Variants in PSD3 observed in about 807,000 individuals in gnomAD.
The protein encoded by PSD3 is pleckstrin and Sec7 domain containing 3, also known as PH and SEC7 domain-containing protein 3.
In PSD3, 49 loss-of-function variants were observed where a neutral mutation model predicts 105.5. The ratio of observed to expected loss-of-function variants is 0.46; its 90% CI spans 0.37 to 0.59. PSD3 has a LOEUF of 0.59. PSD3 is among the 20% of genes least tolerant of loss of function. The probability of loss-of-function intolerance (pLI) is 0.00; values close to 1 mark genes in which losing one functional copy is unlikely to be tolerated. For synonymous variants in PSD3, 557 were observed against 457.8 expected (o/e 1.22, Z -2.77); for missense variants, 1,561 against 1,263.8 (o/e 1.24, Z -3.57).
intron 9 of PSD3, among the ~76,000 whole-genome samples, chr8:18,681,341 T>G (rs1282057763): frequency 6.6e-6 from 1 of 151,318 alleles, no homozygotes; most frequent in Non-Finnish European, 1.5e-5. Flanking sequence ...GTGCAGTAGC[T>G]CGTGCCTATC....
chr8:18,686,902 G>C (rs1800690588), intron 9 of PSD3, among the ~76,000 whole-genome samples: 1 of 152,110 alleles, frequency 6.6e-6, no homozygotes, highest in Non-Finnish European at 1.5e-5. Flanking sequence ...TCAGCAGTCA[G>C]CTCAGTATCT....
chr8:18,529,510 T>C lies in PSD3; in HGVS notation c.*6233A>G, dbSNP rs1218464411. 6.6e-6 allele frequency: 1 copy of C among 152,600 alleles called. No homozygotes were observed. The highest frequency in any genetic ancestry group is 1.5e-5 in the Non-Finnish European group (1 of 68,034). 9.5% of individuals were successfully genotyped at this position (152,600 alleles called of 1,614,324 possible). A position where few individuals can be genotyped will look rare whatever the true frequency, so the allele number is the denominator to read the frequency against. ...AAGGGGACAGTCAACTGGTTCTGAATCTCAGGAGGAGAGGACTAACCACAT... is the reference window on the plus strand; with the variant it reads ...AAGGGGACAGTCAACTGGTTCTGAACCTCAGGAGGAGAGGACTAACCACAT... On this transcript the variant is annotated 3_prime_UTR_variant, in exon 16 of 16. Transcript: ENST00000327040.
At chr8:18,631,650 GA>G (rs1205662484) in intron 11 of PSD3, among the ~76,000 whole-genome samples, 4 of 151,826 alleles carry the variant, frequency 2.6e-5, no homozygotes, top group Admixed American at 6.6e-5. Context: ...AATGTTGTGG[GA>G]TAAAATTAAG....
At chr8:18,547,369 T>C (rs1183679488) in intron 15 of PSD3, among the ~76,000 whole-genome samples, 1 of 152,188 alleles carries the variant, frequency 6.6e-6, no homozygotes, top group Non-Finnish European at 1.5e-5. Flanking sequence ...TTGCTGCGGC[T>C]GTGGTATACT....
chr8:18,601,431 T>G (rs763446886), intron 11 of PSD3, among the ~76,000 whole-genome samples: 61 of 152,346 alleles, frequency 4.0e-4, no homozygotes, highest in Non-Finnish European at 5.1e-4. Context: ...CCTGGATACC[T>G]GATTACATTA....
At chr8:19,007,190 T>C (rs1158638431) in intron 1 of PSD3, among the ~76,000 whole-genome samples, 1 of 151,878 alleles carries the variant, frequency 6.6e-6, no homozygotes, top group African/African-American at 2.4e-5. Flanking sequence ...AGGCAGAGGT[T>C]GCAGTGAGCC....
intron 9 of PSD3, among the ~76,000 whole-genome samples, chr8:18,685,300 T>G (rs952114238): frequency 4.6e-5 from 7 of 152,228 alleles, no homozygotes; most frequent in African/African-American, 1.7e-4. Flanking sequence ...AAAGTTATGT[T>G]TTAATGTCAG....
intron 2 of PSD3, among the ~76,000 whole-genome samples, chr8:18,884,858 C>T (rs1297676157): frequency 2.0e-5 from 3 of 152,192 alleles, no homozygotes; most frequent in Non-Finnish European, 4.4e-5. Flanking sequence ...ATTTCAGAGG[C>T]AGCTCTGTGA....
intron 4 of PSD3, among the ~76,000 whole-genome samples, chr8:18,821,176 CTT>C (rs5889826): frequency 1.4e-5 from 2 of 147,454 alleles, no homozygotes. Flanking sequence ...TTTTGAAATT[CTT>C]TTTTTTTTTT....
intron 9 of PSD3, among the ~76,000 whole-genome samples, chr8:18,706,924 A>G (rs895240339): frequency 1.3e-5 from 2 of 152,188 alleles, no homozygotes; most frequent in African/African-American, 4.8e-5. Context: ...TGGCATTTAA[A>G]TTTAATTTTT....
At chr8:18,655,823 T>TG (rs1808846238) in intron 9 of PSD3, 138 bp from the exon 10 acceptor site, 3 of 733,448 alleles carry the variant, frequency 4.1e-6, no homozygotes, top group Non-Finnish European at 6.9e-6. Flanking sequence ...TTTAGAAAGG[T>TG]GAAGAATACA....
chr8:18,760,900 T>A (rs1364201060), intron 9 of PSD3, among the ~76,000 whole-genome samples: 1 of 152,120 alleles, frequency 6.6e-6, no homozygotes, highest in Non-Finnish European at 1.5e-5. Flanking sequence ...GGAAGGCACA[T>A]CTCTAGCAAC....
intron 4 of PSD3, among the ~76,000 whole-genome samples, chr8:18,863,302 C>CA (rs1816590635): frequency 6.6e-6 from 1 of 152,182 alleles, no homozygotes; most frequent in Non-Finnish European, 1.5e-5. Context: ...GAGAAGCACT[C>CA]AGACACAAAG....
upstream of PSD3, among the ~76,000 whole-genome samples, chr8:19,014,910 A>G (rs963602463): frequency 1.3e-4 from 20 of 152,190 alleles, no homozygotes; most frequent in African/African-American, 3.4e-4. The surrounding 1 kb of genome is among the most constrained non-coding windows in gnomAD (Gnocchi z 4.9). Flanking sequence ...GAGGGAGTGT[A>G]TGCCTTTATA....
chr8:19,061,526 G>A (rs905649723), intron 1 of PSD3, among the ~76,000 whole-genome samples: 4 of 151,796 alleles, frequency 2.6e-5, no homozygotes, highest in African/African-American at 9.7e-5. Flanking sequence ...ATCACTTCCC[G>A]GCCAGGTGCG....
chr8:18,599,157 C>G (rs1804248164), intron 12 of PSD3, among the ~76,000 whole-genome samples: 1 of 152,122 alleles, frequency 6.6e-6, no homozygotes, highest in Non-Finnish European at 1.5e-5. Flanking sequence ...GATTTCAAAA[C>G]ATATTACCAA....
At chr8:18,772,380 C>T (rs115302560) in intron 8 of PSD3, among the ~76,000 whole-genome samples, 1 of 148,968 alleles carries the variant, frequency 6.7e-6, no homozygotes, top group African/African-American at 2.5e-5. Context: ...TACATCCTTG[C>T]CAAAAATAGT....
chr8:19,010,633 A>G (rs1826909299), intron 1 of PSD3, among the ~76,000 whole-genome samples: 1 of 152,192 alleles, frequency 6.6e-6, no homozygotes, highest in South Asian at 2.1e-4. Context: ...AACGTAACTC[A>G]GAAACACTCT....
At chr8:18,950,076 T>C (rs1490310368) in intron 1 of PSD3, among the ~76,000 whole-genome samples, 1 of 152,258 alleles carries the variant, frequency 6.6e-6, no homozygotes, top group East Asian at 1.9e-4. Context: ...AGGTGCCCAA[T>C]AGCACCTATT....
Sources: gnomAD v4.1 joint callset for allele counts (sites outside exome capture counted in the v4.1 genomes callset) on GRCh38, gnomAD v4.1.1 for gene constraint, Gnocchi (gnomAD v3.1) non-coding constraint, MANE v1.5 for transcripts, NCBI Gene and HGNC (gene_info 2026-07-23, HGNC 2026-07-21) for gene names.